Variants in VPS4A observed in about 807,000 individuals in gnomAD.
VPS4A encodes vacuolar protein sorting-associated protein 4A.
A neutral mutation model predicts 52.3 loss-of-function variants in VPS4A; 20 were observed. The ratio of observed to expected loss-of-function variants is 0.38; its 90% CI spans 0.27 to 0.56. VPS4A has a LOEUF of 0.56. VPS4A is among the 20% of genes least tolerant of loss of function. The pLI, the probability that VPS4A is intolerant of heterozygous loss-of-function variation, is 0.72. For missense variants in VPS4A, 419 were observed against 575.9 expected, an observed-to-expected ratio of 0.73 and a Z score of 2.79; for synonymous variants, 293 against 227.7, an observed-to-expected ratio of 1.29 and a Z score of -2.58.
Position 69,324,400 on chromosome 16 carries a change from GGCTT to G in VPS4A, c.*93_*96del, listed in dbSNP as rs745927550. On this transcript the variant is annotated 3_prime_UTR_variant, in exon 11 of 11. Coordinates refer to ENST00000254950, the MANE Select transcript of VPS4A (RefSeq NM_013245.3). ...TGTCAACAGCCAGACAGGGCTCCAG[GGCTT>G]GTCCCAGTCAATACAGAGTTCCCTC... 1 of 1,355,996 alleles carries G rather than the reference GGCTT, an allele frequency of 7.4e-7. No individual in the cohort carries two copies. The allele number at this position is 1,355,996 out of a possible 1,614,324, so 84.0% of individuals were successfully genotyped here.
Position 69,324,632 on chromosome 16 carries a change from T to TAA in VPS4A, c.*325_*326dup. ...GCTGCTTGGATTTTCATCTTATTTA[T>TAA]AAAGATAAAATCACCTGGAAGTGTC... On this transcript the variant is annotated 3_prime_UTR_variant, in exon 11 of 11. Coordinates refer to ENST00000254950, the MANE Select transcript of VPS4A (RefSeq NM_013245.3). 3.5e-6 allele frequency: 1 copy of TAA among 286,980 alleles called. No homozygotes were observed. Among genetic ancestry groups the TAA allele is most frequent in the Admixed American group, 4.1e-5 (1 of 24,392 alleles). 17.8% of individuals were successfully genotyped at this position (286,980 alleles called of 1,614,324 possible). A position where few individuals can be genotyped will look rare whatever the true frequency, so the allele number is the denominator to read the frequency against.
chr16:69,316,188 G>T lies in VPS4A; in HGVS notation c.134-37G>T, dbSNP rs764871006. On this transcript the variant is annotated intron_variant, in intron 2 of 10. Coordinates refer to ENST00000254950, the MANE Select transcript of VPS4A (RefSeq NM_013245.3). ...GAGCGGAGGAGAGGGGGTGGCGCACGAGCCTCACAGGGGCCCCTCTGTGTT... is the reference window on the plus strand; with the variant it reads ...GAGCGGAGGAGAGGGGGTGGCGCACTAGCCTCACAGGGGCCCCTCTGTGTT... The T allele has an allele frequency of 6.8e-6, 11 of 1,612,612 alleles. No individual in the cohort carries two copies. The African/African-American group carries it at 1.5e-4, about 22-fold the overall frequency.
At position 69,319,474 on chromosome 16, in the gene VPS4A, CCAA is replaced by C; in HGVS notation, c.556_558del (p.Asn186del). The C allele has an allele frequency of 1.9e-6, 3 of 1,614,014 alleles. No individual in the cohort carries two copies. Among genetic ancestry groups the C allele is most frequent in the Non-Finnish European group, 2.5e-6 (3 of 1,179,894 alleles). ...CTGGCCAAAGCCGTGGCAACAGAGG[CCAA>C]CAACTCCACCTTCTTCTCTGTGTCC... On this transcript the variant is annotated inframe_deletion, in exon 6 of 11. Coordinates refer to ENST00000254950, the MANE Select transcript of VPS4A (RefSeq NM_013245.3).
Position 69,324,647 on chromosome 16 carries a change from C to T in VPS4A, c.*338C>T. On this transcript the variant is annotated 3_prime_UTR_variant, in exon 11 of 11. Transcript: ENST00000254950. Reference sequence around the variant, plus strand: ...ATCTTATTTATAAAGATAAAATCACCTGGAAGTGTCAAGGAGTGGGGCGGG... The same window carrying T: ...ATCTTATTTATAAAGATAAAATCACTTGGAAGTGTCAAGGAGTGGGGCGGG... The T allele has an allele frequency of 3.8e-6, 1 of 263,600 alleles. No individual in the cohort carries two copies. The highest frequency in any genetic ancestry group is 7.6e-6 in the Non-Finnish European group (1 of 130,740). 16.3% of individuals were successfully genotyped at this position (263,600 alleles called of 1,614,324 possible). A position where few individuals can be genotyped will look rare whatever the true frequency, so the allele number is the denominator to read the frequency against.
intron 1 of VPS4A, among the ~76,000 whole-genome samples, chr16:69,312,252 T>G (rs1036624760): frequency 2.0e-5 from 3 of 152,166 alleles, no homozygotes; most frequent in Non-Finnish European, 4.4e-5. Context: ...CTCTAGGTTG[T>G]TGTGATGATA....
At chr16:69,319,131 G>T (rs191303200) in intron 5 of VPS4A, among the ~76,000 whole-genome samples, 189 bp downstream of exon 5, 2 of 152,172 alleles carry the variant, frequency 1.3e-5, no homozygotes, top group Admixed American at 6.5e-5. Flanking sequence ...GTCACAGGGT[G>T]GGGGCAGGAT....
chr16:69,312,873 A>G lies in VPS4A; in HGVS notation c.21+1341A>G, dbSNP rs561671843. 5.3e-5 allele frequency among the ~76,000 whole-genome samples: 8 copies of G among 152,094 alleles called. No individual in the cohort carries two copies. In the South Asian group the frequency reaches 1.2e-3, roughly 24 times the overall value. ...GATGATCTGCCCACTTCGGCCTCCCAGAGTGCTGGGATTACAGGTGTGAGC... is the reference window on the plus strand; with the variant it reads ...GATGATCTGCCCACTTCGGCCTCCCGGAGTGCTGGGATTACAGGTGTGAGC... On this transcript the variant is annotated intron_variant, in intron 1 of 10. Coordinates refer to ENST00000254950, the MANE Select transcript of VPS4A (RefSeq NM_013245.3).
intron 1 of VPS4A, among the ~76,000 whole-genome samples, chr16:69,315,156 G>A (rs911770813): frequency 5.3e-5 from 8 of 152,042 alleles, no homozygotes; most frequent in Non-Finnish European, 1.2e-4. Flanking sequence ...CCGAGATCGC[G>A]CCAGTGCACT....
At position 69,321,338 on chromosome 16, in the gene VPS4A, C is replaced by G; in HGVS notation, c.1071+68C>G. On this transcript the variant is annotated intron_variant, in intron 9 of 10. Coordinates refer to ENST00000254950, the MANE Select transcript of VPS4A (RefSeq NM_013245.3). This position sits in a 1 kb window ranked among gnomAD's most constrained non-coding sequence, Gnocchi z 4.5. ...AGCGGGATGTTCGGTTTTTTTTTTCCCAGCTCCTGGTCCTGCTCCCCGGCT... is the reference window on the plus strand; with the variant it reads ...AGCGGGATGTTCGGTTTTTTTTTTCGCAGCTCCTGGTCCTGCTCCCCGGCT... The G allele has an allele frequency of 1.3e-6, 2 of 1,494,332 alleles. No homozygotes were observed. Among genetic ancestry groups the G allele is most frequent in the Non-Finnish European group, 1.8e-6 (2 of 1,107,298 alleles). 92.6% of individuals were successfully genotyped at this position (1,494,332 alleles called of 1,614,324 possible).
intron 1 of VPS4A, among the ~76,000 whole-genome samples, chr16:69,312,256 G>T (rs765544053): frequency 2.6e-5 from 4 of 152,098 alleles, no homozygotes; most frequent in Non-Finnish European, 4.4e-5. Context: ...AGGTTGTTGT[G>T]ATGATAGCTT....
chr16:69,311,501 C>A lies in VPS4A; in HGVS notation c.-11C>A. 7.4e-7 allele frequency: 1 copy of A among 1,353,212 alleles called. No homozygotes were observed. The allele number at this position is 1,353,212 out of a possible 1,614,324, so 83.8% of individuals were successfully genotyped here. A position where few individuals can be genotyped will look rare whatever the true frequency, so the allele number is the denominator to read the frequency against. On this transcript the variant is annotated 5_prime_UTR_variant, in exon 1 of 11. Coordinates refer to ENST00000254950, the MANE Select transcript of VPS4A (RefSeq NM_013245.3). Reference sequence around the variant, plus strand: ...AGCGCCGCGGGGTGTGGGGCGGACCCAGGAGATGAAATGACAACGTCAACC... The same window carrying A: ...AGCGCCGCGGGGTGTGGGGCGGACCAAGGAGATGAAATGACAACGTCAACC...
In VPS4A at chr16:69,320,510, C is replaced by T. The variant is rs1259766398; in HGVS notation, c.770-178C>T. 1 of 800,812 alleles carries T rather than the reference C, an allele frequency of 1.2e-6. No individual in the cohort carries two copies. Among genetic ancestry groups the T allele is most frequent in the Non-Finnish European group, 2.0e-6 (1 of 509,616 alleles). 49.6% of individuals were successfully genotyped at this position (800,812 alleles called of 1,614,324 possible). ...TCCCATGGCAGGCAGTGCCATAGGTCTCACCTGGCACAGCCAGACCAAGAT... is the reference window on the plus strand; with the variant it reads ...TCCCATGGCAGGCAGTGCCATAGGTTTCACCTGGCACAGCCAGACCAAGAT... On this transcript the variant is annotated intron_variant, in intron 7 of 10. Coordinates refer to ENST00000254950, the MANE Select transcript of VPS4A (RefSeq NM_013245.3). The surrounding 1 kb of genome is among the most constrained non-coding windows in gnomAD (Gnocchi z 4.2).
At chr16:69,313,290 C>G (rs553380368) in intron 1 of VPS4A, among the ~76,000 whole-genome samples, 2 of 151,498 alleles carry the variant, frequency 1.3e-5, no homozygotes, top group Non-Finnish European at 3.0e-5. Flanking sequence ...CAGCGCAACT[C>G]ACCCATTTAA....
rs1324544523 is a variant in VPS4A, at chr16:69,321,639, CTGAG to C, written c.1071+371_1071+374del. 1.1e-5 allele frequency: 3 copies of C among 277,034 alleles called. No individual in the cohort carries two copies. The highest frequency in any genetic ancestry group is 4.7e-5 in the Admixed American group (1 of 21,064). The allele number at this position is 277,034 out of a possible 1,614,324, so 17.2% of individuals were successfully genotyped here. A position where few individuals can be genotyped will look rare whatever the true frequency, so the allele number is the denominator to read the frequency against. On this transcript the variant is annotated intron_variant, in intron 9 of 10. Coordinates refer to ENST00000254950, the MANE Select transcript of VPS4A (RefSeq NM_013245.3). The surrounding 1 kb of genome is among the most constrained non-coding windows in gnomAD (Gnocchi z 4.5). ...TGTCTATTCATTCAGCAGATCTCTG[CTGAG>C]TATTTGCTGTGGGTCCTCCTGTGTG... is the stretch of plus-strand genomic sequence containing the variant.
In VPS4A at chr16:69,324,743, G is replaced by A. The variant is rs79793182; in HGVS notation, c.*434G>A. 4.9e-4 allele frequency: 95 copies of A among 194,626 alleles called. No homozygotes were observed. The highest frequency in any genetic ancestry group is 1.1e-3 in the East Asian group (9 of 8,330). 12.1% of individuals were successfully genotyped at this position (194,626 alleles called of 1,614,324 possible). A position where few individuals can be genotyped will look rare whatever the true frequency, so the allele number is the denominator to read the frequency against. On this transcript the variant is annotated 3_prime_UTR_variant, in exon 11 of 11. Transcript: ENST00000254950. Reference sequence around the variant, plus strand: ...AGACAGCCGGCTAGCCCCACTGCCCGTTCCTTTTACGCCCAAGTTTTGCTC... The same window carrying A: ...AGACAGCCGGCTAGCCCCACTGCCCATTCCTTTTACGCCCAAGTTTTGCTC...
In VPS4A at chr16:69,321,255, C is replaced by T. The variant is rs766286636; in HGVS notation, c.1056C>T (p.Ala352=). The T allele has an allele frequency of 3.9e-6, 6 of 1,554,264 alleles. No individual in the cohort carries two copies. Among genetic ancestry groups the T allele is most frequent in the Non-Finnish European group, 4.4e-6 (5 of 1,149,362 alleles). The part of the protein sequence containing the change: ...LMQPVRKVQS[A]THFKKVCGPS... ...AGCCCGTGAGGAAGGTGCAGTCGGC[C>T]ACACACTTCAAAAAGGTGAGTGCCC... Residue 352 remains alanine (A), a synonymous_variant, in exon 9 of 11, where the codon GCC becomes GCT. Transcript: ENST00000254950. The surrounding 1 kb of genome is among the most constrained non-coding windows in gnomAD (Gnocchi z 4.5).
chr16:69,317,990 C>A (rs1965459653), intron 3 of VPS4A, among the ~76,000 whole-genome samples: 1 of 142,002 alleles, frequency 7.0e-6, no homozygotes, highest in South Asian at 2.2e-4. Context: ...CTTCTGGCAG[C>A]TGCATTGTTT....
intron 10 of VPS4A, chr16:69,323,654 C>G: frequency 2.2e-6 from 1 of 455,866 alleles, no homozygotes; most frequent in Non-Finnish European, 4.4e-6. Flanking sequence ...GGGTGTGCAG[C>G]TAAGAAGGCT....
chr16:69,312,098 G>C (rs982315293), intron 1 of VPS4A, among the ~76,000 whole-genome samples: 4 of 152,192 alleles, frequency 2.6e-5, no homozygotes, highest in African/African-American at 9.6e-5. Context: ...TCAGTCCTGC[G>C]GGGCCAGAAG....
Sources: gnomAD v4.1 joint callset for allele counts (sites outside exome capture counted in the v4.1 genomes callset) on GRCh38, gnomAD v4.1.1 for gene constraint, Gnocchi (gnomAD v3.1) non-coding constraint, MANE v1.5 for transcripts, NCBI Gene and HGNC (gene_info 2026-07-23, HGNC 2026-07-21) for gene names.